HSPA4L: variants seen among roughly 807,000 people sequenced by gnomAD.
HSPA4L encodes the protein heat shock protein family A (Hsp70) member 4 like, also known as heat shock 70 kDa protein 4L.
A neutral mutation model predicts 100.3 loss-of-function variants in HSPA4L; 48 were observed. That is an observed-to-expected ratio of 0.48 (90% CI 0.38 to 0.61). HSPA4L has a LOEUF of 0.61. HSPA4L is among the 20% of genes least tolerant of loss of function. The probability of loss-of-function intolerance (pLI) is 0.00; values close to 1 mark genes in which losing one functional copy is unlikely to be tolerated. For missense variants in HSPA4L, 886 were observed against 988.6 expected (o/e 0.90, Z 1.39); for synonymous variants, 319 against 328.2 (o/e 0.97, Z 0.30).
intron 4 of HSPA4L, among the ~76,000 whole-genome samples, chr4:127,798,978 T>G (rs1162654938): frequency 2.0e-5 from 3 of 152,186 alleles, no homozygotes; most frequent in African/African-American, 7.2e-5. Flanking sequence ...AAGAATCTTC[T>G]CAGATAGCAA....
intron 15 of HSPA4L, 72 bp from the exon 16 acceptor site, chr4:127,823,445 C>A: frequency 9.5e-7 from 1 of 1,047,150 alleles, no homozygotes. Context: ...CACTGCACTG[C>A]ACTGAGCCCA....
intron 12 of HSPA4L, chr4:127,812,637 AT>A (rs779257256): frequency 1.5e-6 from 1 of 658,318 alleles, no homozygotes; most frequent in Non-Finnish European, 2.7e-6. Flanking sequence ...TCTGCCCTAG[AT>A]TTTTTGTTTG....
chr4:127,802,672 G>A (rs573039286), intron 6 of HSPA4L, among the ~76,000 whole-genome samples: 3 of 152,154 alleles, frequency 2.0e-5, no homozygotes, highest in Admixed American at 6.6e-5. Context: ...TTAGATCACA[G>A]ACCCGTTTGA....
chr4:127,831,501 T>TTAAAAAAAA (rs1351311274), intron 18 of HSPA4L, among the ~76,000 whole-genome samples: 1 of 103,430 alleles, frequency 9.7e-6, no homozygotes. Flanking sequence ...CCTTGTCTAT[T>TTAAAAAAAA]AAAAAAAAAA....
At chr4:127,810,749 C>T (rs1225113712) in intron 11 of HSPA4L, among the ~76,000 whole-genome samples, 1 of 152,126 alleles carries the variant, frequency 6.6e-6, no homozygotes, top group Non-Finnish European at 1.5e-5. Context: ...CAGAGTGAAA[C>T]TGTGTCTCAA....
In HSPA4L at chr4:127,799,217, T is replaced by C. The variant is rs556282666; in HGVS notation, c.429+508T>C. Among the ~76,000 whole-genome samples, 5 of 152,284 alleles carry C rather than the reference T, an allele frequency of 3.3e-5. No homozygotes were observed. The East Asian group carries it at 9.6e-4, about 29-fold the overall frequency. On this transcript the variant is annotated intron_variant, in intron 4 of 18. Transcript: ENST00000296464. ...CTACTATTCAACTTGACTACAAAAG[T>C]TCAAGAGTCTTATGTCATCAGAAAA...
chr4:127,827,215 C>A, intron 16 of HSPA4L, 90 bp from the exon 17 acceptor site: 1 of 1,041,312 alleles, frequency 9.6e-7, no homozygotes, highest in South Asian at 1.6e-5. Flanking sequence ...TCCATCTTTT[C>A]TTCCTATTTA....
chr4:127,807,112 G>C (rs1206605856), intron 10 of HSPA4L, among the ~76,000 whole-genome samples: 1 of 151,846 alleles, frequency 6.6e-6, no homozygotes, highest in Admixed American at 6.6e-5. Context: ...GAAAGTAGAA[G>C]GTATTGGTAG....
chr4:127,823,472 C>T, intron 15 of HSPA4L, 45 bp from the exon 16 acceptor site: 1 of 1,364,642 alleles, frequency 7.3e-7, no homozygotes, highest in Non-Finnish European at 1.0e-6. Flanking sequence ...ACTTTTATTT[C>T]TAAGGAAAGT....
intron 7 of HSPA4L, 60 bp from the exon 8 acceptor site, chr4:127,803,951 T>G: frequency 6.2e-7 from 1 of 1,608,704 alleles, no homozygotes; most frequent in South Asian, 1.1e-5. Context: ...GTTTGTTGTT[T>G]TAGAAGATAC....
At position 127,834,416 on chromosome 4, in the gene HSPA4L, T is replaced by C. The variant is rs1309536344; in HGVS notation, c.*1542T>C. On this transcript the variant is annotated 3_prime_UTR_variant, in exon 19 of 19. Coordinates refer to ENST00000296464, the MANE Select transcript of HSPA4L (RefSeq NM_014278.4). ...AGTTCTCTACGAGAGATTTTGTTTCTACAATGTAGTCAGCACTTAATGGAG... is the reference window on the plus strand; with the variant it reads ...AGTTCTCTACGAGAGATTTTGTTTCCACAATGTAGTCAGCACTTAATGGAG... The C allele has an allele frequency of 6.6e-6, 1 of 152,218 alleles. No individual in the cohort carries two copies. The highest frequency in any genetic ancestry group is 2.4e-5 in the African/African-American group (1 of 41,470). The allele number at this position is 152,218 out of a possible 1,614,324, so 9.4% of individuals were successfully genotyped here. A position where few individuals can be genotyped will look rare whatever the true frequency, so the allele number is the denominator to read the frequency against.
chr4:127,820,390 T>C (rs767451653), intron 13 of HSPA4L, 38 bp from the exon 14 acceptor site: 3 of 1,543,336 alleles, frequency 1.9e-6, no homozygotes. Context: ...ATTTTTAAGC[T>C]AATTTTAGAA....
In HSPA4L at chr4:127,798,623, G is replaced by C; in HGVS notation, c.343G>C (p.Glu115Gln). The C allele has an allele frequency of 6.2e-7, 1 of 1,613,668 alleles. No individual in the cohort carries two copies. Among genetic ancestry groups the C allele is most frequent in the Non-Finnish European group, 8.5e-7 (1 of 1,179,762 alleles). The change falls in exon 4 of 19, where the codon GAG (glutamate) becomes CAG (glutamine). Residue 115 changes from glutamate to glutamine, a missense_variant. Physicochemically the swap from Glu to Gln is conservative, Grantham distance 29. Coordinates refer to ENST00000296464, the MANE Select transcript of HSPA4L (RefSeq NM_014278.4). ...AGAGGAAGAGAGACCTTTTGCAATT[G>C]AGCAAGTTACTGGAATGCTGTTAGC... is the stretch of plus-strand genomic sequence containing the variant. ...YLEEERPFAI[E>Q]QVTGMLLAKL...
In HSPA4L at chr4:127,782,560, G is replaced by A. The variant is rs201576051; in HGVS notation, c.10G>A (p.Val4Ile). 7.4e-6 allele frequency: 12 copies of A among 1,614,126 alleles called. No individual in the cohort carries two copies. Among genetic ancestry groups the A allele is most frequent in the African/African-American group, 1.3e-5 (1 of 75,056 alleles). The change falls in exon 1 of 19, where the codon GTT (valine) becomes ATT (isoleucine). Residue 4 changes from valine to isoleucine, a missense_variant. Physicochemically the swap from Val to Ile is conservative, Grantham distance 29. Coordinates refer to ENST00000296464, the MANE Select transcript of HSPA4L (RefSeq NM_014278.4). ...ACCATCACGCGGCGGGATGTCTGTG[G>A]TTGGCATTGACCTCGGCTTTCTCAA... MSV[V>I]GIDLGFLNCY...
At chr4:127,786,338 T>C (rs1732717104) in intron 1 of HSPA4L, among the ~76,000 whole-genome samples, 1 of 152,210 alleles carries the variant, frequency 6.6e-6, no homozygotes, top group African/African-American at 2.4e-5. Context: ...AGGTTAATGA[T>C]GAAAGGAACA....
At position 127,782,658 on chromosome 4, in the gene HSPA4L, G is replaced by GT; in HGVS notation, c.107+2dup. On this transcript the variant is annotated splice_donor_variant, in intron 1 of 18. Transcript: ENST00000296464. LOFTEE classifies it high-confidence loss of function. ...ATGAGTACAGCGACAGGTGTACCCC[G>GT]TAAGTGCCTCTGCTGAGCATCACCT... The GT allele has an allele frequency of 6.2e-7, 1 of 1,600,828 alleles. No individual in the cohort carries two copies. The highest frequency in any genetic ancestry group is 8.5e-7 in the Non-Finnish European group (1 of 1,170,880).
chr4:127,810,374 A>G (rs1733490569), intron 11 of HSPA4L, among the ~76,000 whole-genome samples: 1 of 152,210 alleles, frequency 6.6e-6, no homozygotes, highest in East Asian at 1.9e-4. Context: ...TAGGGCTGCT[A>G]TAACAAAGTA....
At chr4:127,813,235 G>T (rs936224437) in intron 12 of HSPA4L, 50 of 962,696 alleles carry the variant, frequency 5.2e-5, no homozygotes, top group Non-Finnish European at 4.3e-5. Context: ...GGTTCCAGCC[G>T]AAAGGCGATT....
rs1213853707 is a variant in HSPA4L, at chr4:127,836,601, A to G, written c.*3727A>G. 1 of 151,896 alleles carries G rather than the reference A, an allele frequency of 6.6e-6. No homozygotes were observed. Among genetic ancestry groups the G allele is most frequent in the Non-Finnish European group, 1.5e-5 (1 of 67,970 alleles). The allele number at this position is 151,896 out of a possible 1,614,324, so 9.4% of individuals were successfully genotyped here. On this transcript the variant is annotated 3_prime_UTR_variant, in exon 19 of 19. Coordinates refer to ENST00000296464, the MANE Select transcript of HSPA4L (RefSeq NM_014278.4). The stretch of plus-strand genomic sequence containing the variant: ...TCTTTAAAGAGAATTTTGGGGCTCA[A>G]TAATTTAACATAATGTCAGTGTTAA...
Sources: gnomAD v4.1 joint callset for allele counts (sites outside exome capture counted in the v4.1 genomes callset) on GRCh38, gnomAD v4.1.1 for gene constraint, MANE v1.5 for transcripts, NCBI Gene and HGNC (gene_info 2026-07-23, HGNC 2026-07-21) for gene names.